Variants in PODXL observed in about 807,000 individuals in gnomAD.
PODXL encodes podocalyxin.
In PODXL, 20 loss-of-function variants were observed where a neutral mutation model predicts 48.9. That is an observed-to-expected ratio of 0.41 (90% confidence interval 0.29 to 0.59). The LOEUF (loss-of-function observed/expected upper bound fraction) is 0.59, where lower values mean the gene tolerates loss of function less well. Ranked by LOEUF, PODXL falls within the 20% of genes least tolerant of loss-of-function variation. The probability of loss-of-function intolerance (pLI) is 0.31; values close to 1 mark genes in which losing one functional copy is unlikely to be tolerated. For missense variants in PODXL, 606 were observed against 675.1 expected (o/e 0.90, Z 1.13); for synonymous variants, 295 against 287.4 (o/e 1.03, Z -0.27).
In PODXL at chr7:131,501,700, G is replaced by A. The variant is rs1255797504; in HGVS notation, c.*2611C>T. On this transcript the variant is annotated 3_prime_UTR_variant, in exon 9 of 9. Coordinates refer to ENST00000378555, the MANE Select transcript of PODXL (RefSeq NM_001018111.3). The stretch of plus-strand genomic sequence containing the variant: ...ACTGTCTTTGCTACAACCTGTTTAA[G>A]TCATGCTGAGCTTCTAGTGTTCCTC... 3 of 152,196 alleles carry A rather than the reference G, an allele frequency of 2.0e-5. No individual in the cohort carries two copies. The highest frequency in any genetic ancestry group is 2.9e-5 in the Non-Finnish European group (2 of 68,032). The allele number at this position is 152,196 out of a possible 1,614,324, so 9.4% of individuals were successfully genotyped here.
At chr7:131,506,215 G>C in intron 7 of PODXL, 45 bp downstream of exon 7, 1 of 1,602,772 alleles carries the variant, frequency 6.2e-7, no homozygotes, top group East Asian at 2.2e-5. Flanking sequence ...CCTCCCACAA[G>C]GGGCTTCGGA....
At chr7:131,506,395 G>A in intron 6 of PODXL, 74 bp from the exon 7 acceptor site, 1 of 1,496,500 alleles carries the variant, frequency 6.7e-7, no homozygotes, top group Non-Finnish European at 9.3e-7. Context: ...TGCGCCCCAA[G>A]AGAGGGACGC....
intron 1 of PODXL, among the ~76,000 whole-genome samples, chr7:131,538,603 G>C (rs548816416): frequency 6.6e-6 from 1 of 152,264 alleles, no homozygotes; most frequent in East Asian, 1.9e-4. Flanking sequence ...TGAAGGCAGA[G>C]AGGTAACAGG....
rs1286080790 is a variant in PODXL at position 131,506,041 on chromosome 7, T to C, written c.1312-6A>G. 1 of 1,609,248 alleles carries C rather than the reference T, an allele frequency of 6.2e-7. No homozygotes were observed. The highest frequency in any genetic ancestry group is 8.5e-7 in the Non-Finnish European group (1 of 1,177,536). ...TTCATGTCACTGACCCCTGCCTGCATGGGAAGTGGCAGAGAACAGGCTGGG... is the reference window on the plus strand; with the variant it reads ...TTCATGTCACTGACCCCTGCCTGCACGGGAAGTGGCAGAGAACAGGCTGGG... On this transcript the variant is annotated splice_polypyrimidine_tract_variant and splice_region_variant and intron_variant, in intron 7 of 8. Coordinates refer to ENST00000378555, the MANE Select transcript of PODXL (RefSeq NM_001018111.3).
intron 1 of PODXL, among the ~76,000 whole-genome samples, chr7:131,536,706 C>T (rs1798379656): frequency 6.6e-6 from 1 of 152,212 alleles, no homozygotes; most frequent in Admixed American, 6.5e-5. Context: ...CTGGTGTTTT[C>T]ATCCTTCAGT....
chr7:131,555,751 C>T (rs977113577), intron 1 of PODXL, among the ~76,000 whole-genome samples: 1 of 152,224 alleles, frequency 6.6e-6, no homozygotes, highest in Non-Finnish European at 1.5e-5. Context: ...AAAACCTCTG[C>T]AAACGGGTAA....
chr7:131,556,435 G>A lies in PODXL; in HGVS notation c.-76C>T. 3.1e-6 allele frequency: 4 copies of A among 1,299,960 alleles called. No homozygotes were observed. Among genetic ancestry groups the A allele is most frequent in the Non-Finnish European group, 3.9e-6 (4 of 1,025,240 alleles). The allele number at this position is 1,299,960 out of a possible 1,614,324, so 80.5% of individuals were successfully genotyped here. A position where few individuals can be genotyped will look rare whatever the true frequency, so the allele number is the denominator to read the frequency against. On this transcript the variant is annotated 5_prime_UTR_variant, in exon 1 of 9. In the 5' UTR this introduces an upstream ATG that the reference lacks. Coordinates refer to ENST00000378555, the MANE Select transcript of PODXL (RefSeq NM_001018111.3). ...ATCCGCGCGTCCGGGCGGTAGGAGC[G>A]TGGGCGCCGCCCGGGGAGGCCTGTG...
chr7:131,553,684 C>T (rs1798699859), intron 1 of PODXL, among the ~76,000 whole-genome samples: 1 of 152,208 alleles, frequency 6.6e-6, no homozygotes, highest in South Asian at 2.1e-4. Context: ...GTTTCCACCC[C>T]ACCAAGCTGC....
rs1205517098 is a variant in PODXL, at chr7:131,500,423, C to G, written c.*3888G>C. On this transcript the variant is annotated 3_prime_UTR_variant, in exon 9 of 9. Coordinates refer to ENST00000378555, the MANE Select transcript of PODXL (RefSeq NM_001018111.3). The stretch of plus-strand genomic sequence containing the variant: ...CCCTGTCCACTAAGACATATATGAT[C>G]CCCCAGTTCCTGGGCAAACTGTTGA... The G allele has an allele frequency of 6.6e-6, 1 of 152,660 alleles. No individual in the cohort carries two copies. The highest frequency in any genetic ancestry group is 1.5e-5 in the Non-Finnish European group (1 of 68,052). The allele number at this position is 152,660 out of a possible 1,614,324, so 9.5% of individuals were successfully genotyped here. A position where few individuals can be genotyped will look rare whatever the true frequency, so the allele number is the denominator to read the frequency against.
chr7:131,509,688 T>TA, intron 3 of PODXL, 103 bp from the exon 4 acceptor site: 1 of 752,032 alleles, frequency 1.3e-6, no homozygotes, highest in Non-Finnish European at 2.1e-6. Context: ...TCTTTGGTCT[T>TA]ACCTCCCACA....
chr7:131,548,711 T>C (rs1374506781), intron 1 of PODXL, among the ~76,000 whole-genome samples: 3 of 152,244 alleles, frequency 2.0e-5, no homozygotes, highest in Non-Finnish European at 4.4e-5. Context: ...AATCAAGTTC[T>C]AACAAACACA....
intron 1 of PODXL, among the ~76,000 whole-genome samples, chr7:131,515,622 C>G (rs777207890): frequency 6.6e-6 from 1 of 152,108 alleles, no homozygotes; most frequent in African/African-American, 2.4e-5. Flanking sequence ...AGGCTGGTCT[C>G]GAACTACTGA....
intron 1 of PODXL, among the ~76,000 whole-genome samples, chr7:131,517,149 G>A (rs186897272): frequency 6.6e-6 from 1 of 152,156 alleles, no homozygotes; most frequent in South Asian, 2.1e-4. Context: ...GACCTTCACT[G>A]GTCAGGTATG....
chr7:131,519,419 T>C (rs575862328), intron 1 of PODXL, among the ~76,000 whole-genome samples: 9 of 152,194 alleles, frequency 5.9e-5, no homozygotes, highest in Non-Finnish European at 1.2e-4. Flanking sequence ...TGGTCCTCTA[T>C]CTACCACCTT....
intron 1 of PODXL, among the ~76,000 whole-genome samples, chr7:131,527,023 G>A (rs185822533): frequency 2.2e-4 from 34 of 152,246 alleles, no homozygotes; most frequent in Non-Finnish European, 4.9e-4. Context: ...ACAGGCGTGA[G>A]CCACCACACC....
intron 1 of PODXL, among the ~76,000 whole-genome samples, chr7:131,550,960 G>A (rs960836801): frequency 6.6e-6 from 1 of 152,138 alleles, no homozygotes; most frequent in African/African-American, 2.4e-5. Context: ...CTAGAATTCT[G>A]TGTCCTATGA....
rs1238850101 is a variant in PODXL, at chr7:131,501,703, A to G, written c.*2608T>C. 1.3e-5 allele frequency: 2 copies of G among 152,186 alleles called. No individual in the cohort carries two copies. The highest frequency in any genetic ancestry group is 2.9e-5 in the Non-Finnish European group (2 of 68,032). 9.4% of individuals were successfully genotyped at this position (152,186 alleles called of 1,614,324 possible). On this transcript the variant is annotated 3_prime_UTR_variant, in exon 9 of 9. Transcript: ENST00000378555. ...GTCTTTGCTACAACCTGTTTAAGTC[A>G]TGCTGAGCTTCTAGTGTTCCTCTTA...
intron 1 of PODXL, among the ~76,000 whole-genome samples, chr7:131,555,960 T>C (rs1359559964): frequency 2.0e-5 from 3 of 152,222 alleles, no homozygotes; most frequent in African/African-American, 7.2e-5. Context: ...GTCTCCCTTT[T>C]CTTTCCCATG....
rs773027377 is a variant in PODXL, at chr7:131,506,334, G to A, written c.1250-13C>T. 7 of 1,614,076 alleles carry A rather than the reference G, an allele frequency of 4.3e-6. No individual in the cohort carries two copies. The highest frequency in any genetic ancestry group is 4.5e-5 in the East Asian group (2 of 44,878). On this transcript the variant is annotated splice_polypyrimidine_tract_variant and intron_variant, in intron 6 of 8. Transcript: ENST00000378555. ...GCAGGGAGCTTAGCTGTGGGAGAGG[G>A]AGACGATGCCCAATGGCCCAGCCCA...
Sources: gnomAD v4.1 joint callset for allele counts (sites outside exome capture counted in the v4.1 genomes callset) on GRCh38, gnomAD v4.1.1 for gene constraint, MANE v1.5 for transcripts, NCBI Gene and HGNC (gene_info 2026-07-23, HGNC 2026-07-21) for gene names.